AGO3: variants seen among roughly 807,000 people sequenced by gnomAD.
AGO3 encodes the protein argonaute RISC catalytic component 3.
AGO3 carries 16 observed loss-of-function variants against 105.5 expected under a neutral mutation model. The ratio of observed to expected loss-of-function variants is 0.15; its 90% confidence interval spans 0.10 to 0.23. The LOEUF (loss-of-function observed/expected upper bound fraction) is 0.23. Ranked by LOEUF, AGO3 falls within the 10% of genes least tolerant of loss-of-function variation. AGO3 has a pLI of 1.00. For missense variants in AGO3, 534 were observed against 1,088.0 expected (o/e 0.49, Z 7.16); for synonymous variants, 340 against 367.3 (o/e 0.93, Z 0.85).
At chr1:35,997,646 T>C (rs1639892562) in intron 5 of AGO3, among the ~76,000 whole-genome samples, 1 of 152,198 alleles carries the variant, frequency 6.6e-6, no homozygotes, top group Non-Finnish European at 1.5e-5. Context: ...ATTTTCAAAT[T>C]ATGATGTGTT....
At chr1:35,966,663 A>G (rs896161436) in intron 2 of AGO3, among the ~76,000 whole-genome samples, 4 of 152,210 alleles carry the variant, frequency 2.6e-5, no homozygotes, top group Non-Finnish European at 5.9e-5. Context: ...AGAGATGGTA[A>G]AAGAGATTTT....
intron 2 of AGO3, among the ~76,000 whole-genome samples, chr1:35,947,099 T>TTTTATTTA (rs540271850): frequency 6.6e-6 from 1 of 151,798 alleles, no homozygotes; most frequent in Admixed American, 6.6e-5. Flanking sequence ...ATACATATAA[T>TTTTATTTA]TTTATTTATT....
rs1640430516 is a variant in AGO3 at position 36,008,337 on chromosome 1, C to T, written c.794-353C>T. Among the ~76,000 whole-genome samples, 1 of 152,174 alleles carries T rather than the reference C, an allele frequency of 6.6e-6. No homozygotes were observed. The highest frequency in any genetic ancestry group is 2.1e-4 in the South Asian group (1 of 4,832). ...TACCTTGAGAATTATTGGATCTCCT[C>T]TTTCATTCCTCCTTCCCTCTCCCAG... On this transcript the variant is annotated intron_variant, in intron 6 of 18. Transcript: ENST00000373191. The surrounding 1 kb of genome is among the most constrained non-coding windows in gnomAD (Gnocchi z 5.1).
At chr1:35,958,696 TCTC>T (rs904978458) in intron 2 of AGO3, among the ~76,000 whole-genome samples, 29 of 152,130 alleles carry the variant, frequency 1.9e-4, no homozygotes, top group African/African-American at 6.8e-4. Context: ...ATCCCTCTCT[TCTC>T]TGTTTTGCAT....
At chr1:36,010,137 T>C (rs1440152238) in intron 9 of AGO3, among the ~76,000 whole-genome samples, 1 of 151,748 alleles carries the variant, frequency 6.6e-6, no homozygotes, top group Non-Finnish European at 1.5e-5. Flanking sequence ...GACAGGATTT[T>C]ACCATGTTAG....
intron 12 of AGO3, among the ~76,000 whole-genome samples, chr1:36,031,413 G>A (rs994862306): frequency 6.6e-6 from 1 of 151,542 alleles, no homozygotes; most frequent in African/African-American, 2.4e-5. Context: ...AATATTTCTT[G>A]CCAAGCATTT....
chr1:35,934,330 A>G (rs891101554), intron 1 of AGO3, among the ~76,000 whole-genome samples: 1 of 152,228 alleles, frequency 6.6e-6, no homozygotes, highest in Non-Finnish European at 1.5e-5. Flanking sequence ...AATTAATGAC[A>G]TGCAAATTGT....
At chr1:35,943,546 C>G (rs1646297063) in intron 1 of AGO3, among the ~76,000 whole-genome samples, 1 of 151,592 alleles carries the variant, frequency 6.6e-6, no homozygotes, top group South Asian at 2.1e-4. Context: ...GGTGATCCAC[C>G]TGCCTTGGCC....
rs199581225 is a variant in AGO3, at chr1:36,040,457, T to C, written c.2172+16T>C. 1.1e-5 allele frequency: 18 copies of C among 1,613,642 alleles called. No homozygotes were observed. The highest frequency in any genetic ancestry group is 1.4e-5 in the Non-Finnish European group (17 of 1,179,866). ...GACAGAAAGGGTAATCTCACCTCTG[T>C]TGTAATACTGTTATAAACCAAGCTT... On this transcript the variant is annotated intron_variant, in intron 16 of 18. Transcript: ENST00000373191.
chr1:35,941,325 C>G (rs761518822), intron 1 of AGO3, among the ~76,000 whole-genome samples: 1 of 152,102 alleles, frequency 6.6e-6, no homozygotes, highest in African/African-American at 2.4e-5. Flanking sequence ...TTCACCTAGA[C>G]AGCCACATAG....
intron 1 of AGO3, among the ~76,000 whole-genome samples, chr1:35,938,067 G>A (rs1646184543): frequency 6.9e-6 from 1 of 144,868 alleles, no homozygotes; most frequent in African/African-American, 2.6e-5. Context: ...TGCAACCTCC[G>A]CCTCCTGGGC....
chr1:35,991,365 C>T (rs1310126443), intron 5 of AGO3, among the ~76,000 whole-genome samples: 2 of 152,030 alleles, frequency 1.3e-5, no homozygotes, highest in Non-Finnish European at 2.9e-5. Flanking sequence ...TTGATTCTCA[C>T]TGTTTCAGTC....
intron 2 of AGO3, among the ~76,000 whole-genome samples, chr1:35,950,683 G>A (rs529370219): frequency 2.2e-4 from 33 of 152,130 alleles, no homozygotes; most frequent in Non-Finnish European, 4.1e-4. Context: ...TCTAATAGGT[G>A]AATGGTCTCA....
At chr1:36,031,014 TATTTCAC>T (rs1228857496) in intron 12 of AGO3, among the ~76,000 whole-genome samples, 3 of 152,332 alleles carry the variant, frequency 2.0e-5, no homozygotes, top group African/African-American at 7.2e-5. Flanking sequence ...TTCTGTCATT[TATTTCAC>T]TTATCCATAA....
At chr1:35,958,107 G>C (rs1279885382) in intron 2 of AGO3, among the ~76,000 whole-genome samples, 2 of 151,960 alleles carry the variant, frequency 1.3e-5, no homozygotes, top group African/African-American at 4.8e-5. Flanking sequence ...TCCTGGCCAG[G>C]CGTGGTGGCT....
chr1:36,055,284 A>G lies in AGO3; in HGVS notation c.2474+139A>G, dbSNP rs1051964990. Reference sequence around the variant, plus strand: ...CAGAACTGACTGCCCAAGGTTTCCTATTGAAATATATTGTCTAGGCTCATT... The same window carrying G: ...CAGAACTGACTGCCCAAGGTTTCCTGTTGAAATATATTGTCTAGGCTCATT... On this transcript the variant is annotated intron_variant, in intron 18 of 18. Transcript: ENST00000373191. This position sits in a 1 kb window ranked among gnomAD's most constrained non-coding sequence, Gnocchi z 4.4. 31 of 830,022 alleles carry G rather than the reference A, an allele frequency of 3.7e-5. No individual in the cohort carries two copies. Among genetic ancestry groups the G allele is most frequent in the Non-Finnish European group, 5.6e-5 (30 of 533,310 alleles). 51.4% of individuals were successfully genotyped at this position (830,022 alleles called of 1,614,324 possible). A position where few individuals can be genotyped will look rare whatever the true frequency, so the allele number is the denominator to read the frequency against.
intron 5 of AGO3, among the ~76,000 whole-genome samples, chr1:36,003,003 G>C (rs554739962): frequency 3.3e-5 from 5 of 151,984 alleles, no homozygotes; most frequent in Non-Finnish European, 5.9e-5. Context: ...CCTGGGAGGG[G>C]GAGGTTGCAG....
intron 5 of AGO3, among the ~76,000 whole-genome samples, chr1:35,977,863 T>C (rs188933501): frequency 1.3e-4 from 20 of 152,238 alleles, no homozygotes; most frequent in East Asian, 1.9e-4. Context: ...TTACTTCTTA[T>C]CAAAAAACTA....
At position 36,063,441 on chromosome 1, in the gene AGO3, T is replaced by TG. The variant is rs1643048643; in HGVS notation, c.*7697dup. 6.6e-6 allele frequency: 1 copy of TG among 152,164 alleles called. No homozygotes were observed. Among genetic ancestry groups the TG allele is most frequent in the South Asian group, 2.1e-4 (1 of 4,820 alleles). 9.4% of individuals were successfully genotyped at this position (152,164 alleles called of 1,614,324 possible). On this transcript the variant is annotated 3_prime_UTR_variant, in exon 19 of 19. Coordinates refer to ENST00000373191, the MANE Select transcript of AGO3 (RefSeq NM_024852.4). ...AGCATTAGGATTAAGATACCATTTTTGTAGGCCTGGAAAACAAATAGCAAA... is the reference window on the plus strand; with the variant it reads ...AGCATTAGGATTAAGATACCATTTTTGGTAGGCCTGGAAAACAAATAGCAAA...
Sources: gnomAD v4.1 joint callset for allele counts (sites outside exome capture counted in the v4.1 genomes callset) on GRCh38, gnomAD v4.1.1 for gene constraint, Gnocchi (gnomAD v3.1) non-coding constraint, MANE v1.5 for transcripts, NCBI Gene and HGNC (gene_info 2026-07-23, HGNC 2026-07-21) for gene names.